NFIB: variants seen among roughly 807,000 people sequenced by gnomAD.
The protein encoded by NFIB is nuclear factor 1 B-type.
NFIB carries 11 observed loss-of-function variants against 61.5 expected under a neutral mutation model. The ratio of observed to expected loss-of-function variants is 0.18; its 90% CI spans 0.11 to 0.30. NFIB has a LOEUF of 0.30. Among genes scored for constraint, NFIB ranks in the 10% least tolerant of loss-of-function variants. The probability of loss-of-function intolerance (pLI) is 1.00; values close to 1 mark genes in which losing one functional copy is unlikely to be tolerated. For missense variants in NFIB, 471 were observed against 608.9 expected (o/e 0.77, Z 2.38); for synonymous variants, 260 against 216.5 (o/e 1.20, Z -1.76).
chr9:14,283,241 T>TG (rs1170748998), intron 2 of NFIB, among the ~76,000 whole-genome samples: 1 of 152,180 alleles, frequency 6.6e-6, no homozygotes, highest in African/African-American at 2.4e-5. Flanking sequence ...TAGGGGCTCT[T>TG]GGGGAATGAC....
At chr9:14,380,298 T>C (rs1210331307) in intron 1 of NFIB, among the ~76,000 whole-genome samples, 1 of 152,096 alleles carries the variant, frequency 6.6e-6, no homozygotes, top group Non-Finnish European at 1.5e-5. Context: ...ACTGAGGTGA[T>C]GAAGGGGTTT....
At chr9:14,462,727 A>C in the NFIB span, among the ~76,000 whole-genome samples, 43 of 152,300 alleles carry the variant, frequency 2.8e-4, no homozygotes. Context: ...TTTCATAGTT[A>C]AAAGTGAGGC....
At chr9:14,278,353 T>A (rs143599927) in intron 2 of NFIB, among the ~76,000 whole-genome samples, 481 of 152,346 alleles carry the variant, frequency 3.2e-3, no homozygotes, top group African/African-American at 0.011. Flanking sequence ...CGTGCGAAGC[T>A]ACAGAAAGAT....
chr9:14,251,613 C>T (rs2055634057), intron 2 of NFIB, among the ~76,000 whole-genome samples: 1 of 152,222 alleles, frequency 6.6e-6, no homozygotes, highest in South Asian at 2.1e-4. Flanking sequence ...GGCATCACTT[C>T]ACTGTTAGAG....
intron 2 of NFIB, among the ~76,000 whole-genome samples, chr9:14,271,957 G>A (rs116384609): frequency 0.016 from 2,426 of 152,180 alleles, 61 homozygotes; most frequent in African/African-American, 0.054. Flanking sequence ...AAATACCTTA[G>A]AAGTAAAAAT....
chr9:14,407,388 G>T, the NFIB span, among the ~76,000 whole-genome samples: 1 of 152,070 alleles, frequency 6.6e-6, no homozygotes, highest in African/African-American at 2.4e-5. Context: ...TTGTCTTAAG[G>T]AAAATCTTAT....
chr9:14,128,695 CAAAAAAAAAA>C (rs202216145), intron 6 of NFIB, among the ~76,000 whole-genome samples: 1 of 79,546 alleles, frequency 1.3e-5, no homozygotes, highest in East Asian at 3.6e-4. Context: ...AACTCTGTCT[CAAAAAAAAAA>C]AAAAAAAAAT....
At chr9:14,210,207 G>T (rs10961425) in intron 2 of NFIB, among the ~76,000 whole-genome samples, 1 of 152,038 alleles carries the variant, frequency 6.6e-6, no homozygotes, top group Non-Finnish European at 1.5e-5. Flanking sequence ...TTCCTTTTTA[G>T]AATGAAAACT....
chr9:14,296,823 C>T (rs2059472787), intron 2 of NFIB, among the ~76,000 whole-genome samples: 1 of 152,214 alleles, frequency 6.6e-6, no homozygotes, highest in Non-Finnish European at 1.5e-5. Flanking sequence ...ATGGAAAAGG[C>T]AGAAGGGGGA....
At chr9:14,249,923 G>C (rs2055393357) in intron 2 of NFIB, among the ~76,000 whole-genome samples, 1 of 152,140 alleles carries the variant, frequency 6.6e-6, no homozygotes, top group South Asian at 2.1e-4. Flanking sequence ...CATCATAAAT[G>C]CCAAAGTCTT....
intron 1 of NFIB, chr9:14,361,756 T>C (rs1039247052): frequency 6.6e-6 from 1 of 152,330 alleles, no homozygotes; most frequent in Middle Eastern, 3.4e-3. Context: ...CCCATTTTTT[T>C]CTTAGCCCTG....
rs1310739296 is a variant in NFIB, at chr9:14,125,693, G to A, written c.999C>T (p.Ser333=). ...GCTGGGGGAAAGTGCTCAGTCTTGG[G>A]GAAGAATCCTGTGGAGATGCAGAGC... ...LFSSASPQDS[S]PRLSTFPQHH... is the part of the protein sequence containing the mutation. Residue 333 remains serine, a synonymous_variant, in exon 7 of 11, where the codon TCC becomes TCT. Coordinates refer to ENST00000380953, the MANE Select transcript of NFIB (RefSeq NM_001190737.2). 4 of 1,614,142 alleles carry A rather than the reference G, an allele frequency of 2.5e-6. No homozygotes were observed. The highest frequency in any genetic ancestry group is 1.7e-5 in the Admixed American group (1 of 60,022).
the NFIB span, among the ~76,000 whole-genome samples, chr9:14,418,984 T>C: frequency 3.9e-5 from 6 of 152,034 alleles, no homozygotes; most frequent in African/African-American, 1.4e-4. Flanking sequence ...CATTTCTAAA[T>C]CCATCCCAGT....
intron 1 of NFIB, among the ~76,000 whole-genome samples, chr9:14,378,641 C>T (rs1440667477): frequency 6.6e-6 from 1 of 152,238 alleles, no homozygotes; most frequent in Non-Finnish European, 1.5e-5. Context: ...AGGCGTGAGC[C>T]ACCACACCCA....
intron 1 of NFIB, among the ~76,000 whole-genome samples, chr9:14,355,170 T>C (rs1421774528): frequency 6.6e-6 from 1 of 152,174 alleles, no homozygotes; most frequent in Non-Finnish European, 1.5e-5. Flanking sequence ...TACCTCAGAA[T>C]GTGACTGTAT....
At chr9:14,182,220 A>G (rs2046856549) in intron 2 of NFIB, among the ~76,000 whole-genome samples, 2 of 152,188 alleles carry the variant, frequency 1.3e-5, no homozygotes, top group African/African-American at 2.4e-5. Context: ...GCTGAAGTAG[A>G]CCCTAAATTT....
intron 2 of NFIB, among the ~76,000 whole-genome samples, chr9:14,191,663 T>C (rs1371209811): frequency 6.6e-6 from 1 of 152,070 alleles, no homozygotes; most frequent in African/African-American, 2.4e-5. Flanking sequence ...CTGCATAATG[T>C]CCCATCCATA....
At chr9:14,224,739 G>A (rs761475347) in intron 2 of NFIB, among the ~76,000 whole-genome samples, 45 of 152,176 alleles carry the variant, frequency 3.0e-4, no homozygotes, top group Non-Finnish European at 5.0e-4. Flanking sequence ...ATCCCCAGTG[G>A]GGCCTGGGGT....
At chr9:14,245,470 A>G (rs2054813854) in intron 2 of NFIB, among the ~76,000 whole-genome samples, 1 of 152,038 alleles carries the variant, frequency 6.6e-6, no homozygotes, top group African/African-American at 2.4e-5. Flanking sequence ...AACAGAAAAA[A>G]AAAACCAACG....
Sources: gnomAD v4.1 joint callset for allele counts (sites outside exome capture counted in the v4.1 genomes callset) on GRCh38, gnomAD v4.1.1 for gene constraint, MANE v1.5 for transcripts, NCBI Gene and HGNC (gene_info 2026-07-23, HGNC 2026-07-21) for gene names.